The following MGMT variants were observed in gnomAD, a reference collection of about 807,000 sequenced individuals.
The protein encoded by MGMT is O-6-methylguanine-DNA methyltransferase, also known as methylated-DNA--protein-cysteine methyltransferase.
In MGMT, 14 loss-of-function variants were observed where a neutral mutation model predicts 15.9. The ratio of observed to expected loss-of-function variants is 0.88; its 90% CI spans 0.58 to 1.37. The LOEUF (loss-of-function observed/expected upper bound fraction) is 1.37, where lower values mean the gene tolerates loss of function less well. MGMT is among the 40% of genes most tolerant of loss of function. The probability of loss-of-function intolerance (pLI) is 0.00; values close to 1 mark genes in which losing one functional copy is unlikely to be tolerated. For missense variants in MGMT, 282 were observed against 268.1 expected (o/e 1.05, Z -0.36); for synonymous variants, 130 against 118.2 (o/e 1.10, Z -0.65).
At chr10:129,701,220 C>T (rs1322284063) in intron 2 of MGMT, 1 of 152,200 alleles carries the variant, frequency 6.6e-6, no homozygotes, top group Non-Finnish European at 1.5e-5. Flanking sequence ...CAGAGGAGCA[C>T]CTGTCTTTGG....
At chr10:129,681,794 C>T (rs1274819848) in intron 2 of MGMT, among the ~76,000 whole-genome samples, 1 of 152,092 alleles carries the variant, frequency 6.6e-6, no homozygotes, top group African/African-American at 2.4e-5. Context: ...CCTGGAGGCA[C>T]TCACCAGCAT....
intron 2 of MGMT, among the ~76,000 whole-genome samples, chr10:129,705,205 T>C (rs1357997791): frequency 6.6e-6 from 1 of 152,216 alleles, no homozygotes; most frequent in Non-Finnish European, 1.5e-5. Flanking sequence ...AACGCCACCA[T>C]AGGCATTTAC....
rs1435490224 is a variant in MGMT at position 129,472,912 on chromosome 10, G to T, written c.-13+5616G>T. 2.0e-5 allele frequency among the ~76,000 whole-genome samples: 3 copies of T among 152,178 alleles called. No homozygotes were observed. In the East Asian group the frequency reaches 5.8e-4, roughly 29 times the overall value. ...CCTGAAGTCCTTTTGTCTGTAAAGA[G>T]GCTACTGGCTCTGCCACCTGCTTCT... On this transcript the variant is annotated intron_variant, in intron 1 of 4. Coordinates refer to ENST00000651593, the MANE Select transcript of MGMT (RefSeq NM_002412.5).
Position 129,714,020 on chromosome 10 carries a change from G to A in MGMT, c.274+5977G>A, listed in dbSNP as rs571641426. Among the ~76,000 whole-genome samples, 5 of 152,378 alleles carry A rather than the reference G, an allele frequency of 3.3e-5. No homozygotes were observed. The South Asian group carries it at 6.2e-4, about 19-fold the overall frequency. On this transcript the variant is annotated intron_variant, in intron 3 of 4. Coordinates refer to ENST00000651593, the MANE Select transcript of MGMT (RefSeq NM_002412.5). ...TCCAGCCCCTCAGCAGAACAAGAAT[G>A]TCAGATAATCCAGAATGCTGTTGAG...
At chr10:129,590,952 A>G (rs1188891595) in intron 2 of MGMT, among the ~76,000 whole-genome samples, 2 of 152,220 alleles carry the variant, frequency 1.3e-5, no homozygotes, top group African/African-American at 4.8e-5. Context: ...GCTCCAGCAA[A>G]TTGGCCATTT....
intron 2 of MGMT, among the ~76,000 whole-genome samples, chr10:129,544,687 C>G (rs1846080786): frequency 6.6e-6 from 1 of 152,234 alleles, no homozygotes; most frequent in Non-Finnish European, 1.5e-5. Flanking sequence ...CGGCCCCAGG[C>G]CCTGTGTCTG....
intron 2 of MGMT, among the ~76,000 whole-genome samples, chr10:129,660,798 ACGCACACACATG>A (rs1847588510): frequency 6.6e-6 from 1 of 151,848 alleles, no homozygotes; most frequent in Non-Finnish European, 1.5e-5. Context: ...ACACACACAC[ACGCACACACATG>A]CACAGTTTGC....
At chr10:129,525,121 TTC>T (rs1491161432) in intron 1 of MGMT, among the ~76,000 whole-genome samples, 3 of 152,142 alleles carry the variant, frequency 2.0e-5, no homozygotes, top group East Asian at 1.9e-4. Flanking sequence ...ATCTATTTCT[TTC>T]ACACACACAC....
intron 1 of MGMT, among the ~76,000 whole-genome samples, chr10:129,518,901 A>G (rs1263663110): frequency 2.0e-5 from 3 of 151,882 alleles, no homozygotes; most frequent in Non-Finnish European, 2.9e-5. Context: ...GTATACATAC[A>G]TATTTTGCCG....
At position 129,659,219 on chromosome 10, in the gene MGMT, T is replaced by C. The variant is rs1847567342; in HGVS notation, c.126-48676T>C. ...TAAAAATACAAAACTTACCTGGGCA[T>C]GGTGGTGCACACCCGTAGTCTCAGC... On this transcript the variant is annotated intron_variant, in intron 2 of 4. Transcript: ENST00000651593. The surrounding 1 kb of genome is among the most constrained non-coding windows in gnomAD (Gnocchi z 4.1). 6.6e-6 allele frequency among the ~76,000 whole-genome samples: 1 copy of C among 152,074 alleles called. No homozygotes were observed. Among genetic ancestry groups the C allele is most frequent in the Non-Finnish European group, 1.5e-5 (1 of 68,006 alleles).
intron 2 of MGMT, among the ~76,000 whole-genome samples, chr10:129,670,512 T>C (rs1847709336): frequency 6.6e-6 from 1 of 152,004 alleles, no homozygotes; most frequent in African/African-American, 2.4e-5. Context: ...AAGGCAATAA[T>C]GAAAAGCATA....
chr10:129,487,913 GT>G (rs1845425589), intron 1 of MGMT, among the ~76,000 whole-genome samples: 2 of 39,358 alleles, frequency 5.1e-5, no homozygotes, highest in African/African-American at 1.4e-4. Context: ...CCATATAGGG[GT>G]GTGTGTGTGT....
chr10:129,558,932 G>C (rs143232139), intron 2 of MGMT, among the ~76,000 whole-genome samples: 1 of 152,250 alleles, frequency 6.6e-6, no homozygotes, highest in African/African-American at 2.4e-5. Context: ...TTCTGCTCTG[G>C]GGGCGGCGTG....
At chr10:129,512,926 G>A (rs978914251) in intron 1 of MGMT, among the ~76,000 whole-genome samples, 21 of 152,038 alleles carry the variant, frequency 1.4e-4, no homozygotes, top group African/African-American at 5.1e-4. Context: ...TTGAAAGCAG[G>A]GTCTTGAGTA....
chr10:129,609,540 C>T (rs1468490619), intron 2 of MGMT, among the ~76,000 whole-genome samples: 1 of 152,224 alleles, frequency 6.6e-6, no homozygotes, highest in Non-Finnish European at 1.5e-5. Context: ...GAGGAACTCA[C>T]AGCAGCGCTG....
At chr10:129,563,492 A>C in intron 2 of MGMT, among the ~76,000 whole-genome samples, 1 of 152,110 alleles carries the variant, frequency 6.6e-6, no homozygotes, top group Non-Finnish European at 1.5e-5. Flanking sequence ...TGTATTTAAC[A>C]ATTCTTTACT....
rs1845179329 is a variant in MGMT at position 129,467,308 on chromosome 10, G to C, written c.-13+12G>C. 2 of 1,536,268 alleles carry C rather than the reference G, an allele frequency of 1.3e-6. No individual in the cohort carries two copies. Among genetic ancestry groups the C allele is most frequent in the South Asian group, 1.2e-5 (1 of 82,768 alleles). On this transcript the variant is annotated intron_variant, in intron 1 of 4. Transcript: ENST00000651593. Reference sequence around the variant, plus strand: ...CCGTTTGCGACTTGGTGAGTGTCTGGGTCGCCTCGCTCCCGGAAGAGTGCG... The same window carrying C: ...CCGTTTGCGACTTGGTGAGTGTCTGCGTCGCCTCGCTCCCGGAAGAGTGCG...
Position 129,768,497 on chromosome 10 carries a change from A to G in MGMT, c.*1500A>G, listed in dbSNP as rs1043860702. Among the ~76,000 whole-genome samples the G allele has an allele frequency of 8.5e-5, 13 of 152,140 alleles. No homozygotes were observed. The highest frequency in any genetic ancestry group is 1.9e-4 in the Non-Finnish European group (13 of 68,022). The stretch of plus-strand genomic sequence containing the variant: ...GTCAGGACTCGCAGGCTGTCTGGTC[A>G]TTTTTGACGTTGCTGAAGGTGAGTG... On this transcript the variant is annotated 3_prime_UTR_variant, in exon 5 of 5. Transcript: ENST00000651593.
At chr10:129,507,606 C>T (rs908636093) in intron 1 of MGMT, among the ~76,000 whole-genome samples, 1 of 152,152 alleles carries the variant, frequency 6.6e-6, no homozygotes, top group Non-Finnish European at 1.5e-5. Flanking sequence ...GGGGGAGGAA[C>T]GTCCTGAGAG....
Sources: gnomAD v4.1 joint callset for allele counts (sites outside exome capture counted in the v4.1 genomes callset) on GRCh38, gnomAD v4.1.1 for gene constraint, Gnocchi (gnomAD v3.1) non-coding constraint, MANE v1.5 for transcripts, NCBI Gene and HGNC (gene_info 2026-07-23, HGNC 2026-07-21) for gene names.